The following COLEC10 variants were observed in gnomAD, a reference collection of about 807,000 sequenced individuals.
COLEC10 encodes the protein collectin-10.
COLEC10 carries 22 observed loss-of-function variants against 28.4 expected under a neutral mutation model. The ratio of observed to expected loss-of-function variants is 0.78; its 90% confidence interval spans 0.55 to 1.11. COLEC10 has a LOEUF of 1.11. Ranked by LOEUF, COLEC10 falls within the 50% of genes least tolerant of loss-of-function variation. The pLI, the probability that COLEC10 is intolerant of heterozygous loss-of-function variation, is 0.00. For synonymous variants in COLEC10, 125 were observed against 116.1 expected, an observed-to-expected ratio of 1.08 and a Z score of -0.49; for missense variants, 361 against 344.1, an observed-to-expected ratio of 1.05 and a Z score of -0.39.
chr8:119,031,098 G>C (rs750207950), intron 2 of COLEC10, among the ~76,000 whole-genome samples: 1 of 152,302 alleles, frequency 6.6e-6, no homozygotes, highest in South Asian at 2.1e-4. Context: ...TACAAATGCT[G>C]TTTTATGGTT....
chr8:119,069,629 A>AAATATATATATATATAT (rs1554627284), intron 1 of COLEC10, among the ~76,000 whole-genome samples: 2 of 42,882 alleles, frequency 4.7e-5, no homozygotes, highest in Non-Finnish European at 8.8e-5. Flanking sequence ...AAAAAAAAAA[A>AAATATATATATATATAT]ATATATATAT....
chr8:118,971,219 C>G, the COLEC10 span, among the ~76,000 whole-genome samples: 6 of 151,922 alleles, frequency 3.9e-5, no homozygotes, highest in African/African-American at 1.4e-4. Context: ...ATCTTACCAT[C>G]CTTCACTCCC....
chr8:118,983,205 A>G, the COLEC10 span, among the ~76,000 whole-genome samples: 1 of 152,146 alleles, frequency 6.6e-6, no homozygotes, highest in African/African-American at 2.4e-5. Context: ...TGACACCTCA[A>G]CTGATCAGTT....
In COLEC10 at chr8:119,017,656, G is replaced by A. The variant is rs75102706; in HGVS notation, n.235+8103G>A. 5.0e-3 allele frequency among the ~76,000 whole-genome samples: 753 copies of A among 152,070 alleles called. 11 individuals carry two copies. Among genetic ancestry groups the A allele is most frequent in the African/African-American group, 0.017 (721 of 41,468 alleles). On this transcript the variant is annotated intron_variant and non_coding_transcript_variant, in intron 2 of 6. Transcript: ENST00000521788. The stretch of plus-strand genomic sequence containing the variant: ...TTCTTCCAGACAGAGTTACCCCTTC[G>A]GAGCTCCTACATCACTATGCATACC...
intron 2 of COLEC10, among the ~76,000 whole-genome samples, chr8:119,090,078 C>T (rs1397017718): frequency 7.7e-6 from 1 of 129,896 alleles, no homozygotes; most frequent in Non-Finnish European, 1.7e-5. Flanking sequence ...TCTAAAGCCA[C>T]TGCTAAGCAG....
At chr8:119,074,576 C>T (rs1400301118) in intron 1 of COLEC10, among the ~76,000 whole-genome samples, 1 of 152,152 alleles carries the variant, frequency 6.6e-6, no homozygotes, top group Non-Finnish European at 1.5e-5. Flanking sequence ...CAGCTCTCTC[C>T]CCCATTCCTA....
At chr8:119,091,048 G>A (rs1815581823) in intron 2 of COLEC10, 101 bp from the exon 3 acceptor site, 2 of 881,098 alleles carry the variant, frequency 2.3e-6, no homozygotes, top group African/African-American at 1.7e-5. Context: ...ACTGGTAGAA[G>A]AATATACTTG....
the COLEC10 span, among the ~76,000 whole-genome samples, chr8:118,970,119 A>G: frequency 2.0e-5 from 3 of 152,104 alleles, no homozygotes; most frequent in Non-Finnish European, 4.4e-5. Context: ...AATGAGCATT[A>G]CCTATCATCT....
At chr8:119,032,363 A>G (rs1814303495) in intron 2 of COLEC10, among the ~76,000 whole-genome samples, 1 of 151,760 alleles carries the variant, frequency 6.6e-6, no homozygotes, top group East Asian at 1.9e-4. Flanking sequence ...TTCTGAGTGC[A>G]AAGGGATATG....
chr8:119,056,351 G>A (rs530177808), intron 2 of COLEC10, among the ~76,000 whole-genome samples: 22 of 152,046 alleles, frequency 1.4e-4, no homozygotes, highest in Admixed American at 4.6e-4. Context: ...TCTGGACAAC[G>A]AGATGAAAGT....
chr8:119,058,683 T>C (rs1381730293), intron 2 of COLEC10, among the ~76,000 whole-genome samples: 1 of 152,122 alleles, frequency 6.6e-6, no homozygotes, highest in Non-Finnish European at 1.5e-5. Context: ...ATGTTTGTAT[T>C]TTTTCAATTT....
At chr8:119,096,688 T>C (rs1815725295) in intron 3 of COLEC10, among the ~76,000 whole-genome samples, 2 of 152,086 alleles carry the variant, frequency 1.3e-5, no homozygotes, top group African/African-American at 4.8e-5. Flanking sequence ...GTGCTACCTT[T>C]GTATTCAATA....
the COLEC10 span, among the ~76,000 whole-genome samples, chr8:118,971,949 A>G: frequency 6.6e-6 from 1 of 151,926 alleles, no homozygotes; most frequent in African/African-American, 2.4e-5. Context: ...CTGCAACCAG[A>G]CTTCTAACCT....
At chr8:118,987,709 G>C in the COLEC10 span, among the ~76,000 whole-genome samples, 1 of 152,050 alleles carries the variant, frequency 6.6e-6, no homozygotes, top group South Asian at 2.1e-4. Context: ...TCATGTGAAT[G>C]GCAGAATAAA....
intron 2 of COLEC10, among the ~76,000 whole-genome samples, chr8:119,058,044 C>T (rs78609829): frequency 0.029 from 4,405 of 151,988 alleles, 121 homozygotes; most frequent in East Asian, 0.16. Context: ...ACTGCAAAAG[C>T]CTCAACTGCC....
At chr8:119,068,246 A>G (rs1166098808) in intron 1 of COLEC10, 3 of 152,186 alleles carry the variant, frequency 2.0e-5, no homozygotes, top group East Asian at 3.8e-4. Context: ...TGTTTTTCCA[A>G]AAAACAAAAT....
chr8:119,032,058 G>T (rs755189008), intron 2 of COLEC10, among the ~76,000 whole-genome samples: 1 of 152,184 alleles, frequency 6.6e-6, no homozygotes, highest in Non-Finnish European at 1.5e-5. Context: ...GAGGCTTTCA[G>T]AGTTTGATTA....
In COLEC10 at chr8:119,085,991, G is replaced by A. The variant is rs143713544; in HGVS notation, c.149-3689G>A. On this transcript the variant is annotated intron_variant, in intron 1 of 5. Coordinates refer to ENST00000332843, the MANE Select transcript of COLEC10 (RefSeq NM_006438.5). ...ACTCCCCAGTCTATAAGATTGTTTTGACAAAGGGAAAAGGATTTTAATTAA... is the reference window on the plus strand; with the variant it reads ...ACTCCCCAGTCTATAAGATTGTTTTAACAAAGGGAAAAGGATTTTAATTAA... Among the ~76,000 whole-genome samples the A allele has an allele frequency of 4.3e-3, 661 of 152,184 alleles. 9 individuals carry two copies. The highest frequency in any genetic ancestry group is 0.038 in the Admixed American group (579 of 15,296).
At chr8:119,066,019 T>C (rs1370587552), upstream of COLEC10, among the ~76,000 whole-genome samples, 3 of 152,212 alleles carry the variant, frequency 2.0e-5, no homozygotes, top group East Asian at 5.8e-4. Context: ...GCCGCTGGTG[T>C]AAGCCACTCA....
Sources: allele counts gnomAD v4.1 joint callset (sites outside exome capture counted in the v4.1 genomes callset), GRCh38; gene constraint gnomAD v4.1.1; transcripts MANE v1.5; gene names NCBI Gene and HGNC (gene_info 2026-07-23, HGNC 2026-07-21).